Variants in LRRC71 observed in about 807,000 individuals in gnomAD.
LRRC71 encodes the protein leucine rich repeat containing 71.
Under a neutral mutation model 66.6 loss-of-function variants are expected in LRRC71, and 54 were observed. The observed-to-expected ratio is 0.81, with a 90% CI of 0.65 to 1.02. The LOEUF (loss-of-function observed/expected upper bound fraction) is 1.02. Among genes scored for constraint, LRRC71 ranks in the 50% least tolerant of loss-of-function variants. LRRC71 has a pLI of 0.00. For synonymous variants in LRRC71, 323 were observed against 303.9 expected, an observed-to-expected ratio of 1.06 and a Z score of -0.65; for missense variants, 724 against 718.0, an observed-to-expected ratio of 1.01 and a Z score of -0.10.
downstream of LRRC71, chr1:156,933,221 T>G: frequency 2.3e-6 from 1 of 438,272 alleles, no homozygotes; most frequent in African/African-American, 2.0e-5. Context: ...TCTCAGCTCC[T>G]CTGGCCTCAG....
At chr1:156,932,238 G>A in intron 13 of LRRC71, 186 bp from the exon 14 acceptor site, 1 of 659,482 alleles carries the variant, frequency 1.5e-6, no homozygotes, top group Non-Finnish European at 2.7e-6. Context: ...AGTAATGAGA[G>A]GAGTTAGAGA....
Position 156,932,028 on chromosome 1 carries a change from GTA to G in LRRC71, c.1441+3_1441+4del. 6.3e-7 allele frequency: 1 copy of G among 1,584,058 alleles called. No homozygotes were observed. The highest frequency in any genetic ancestry group is 1.7e-4 in the Middle Eastern group (1 of 5,884). On this transcript the variant is annotated splice_donor_variant and splice_donor_region_variant and intron_variant, in intron 13 of 14. Transcript: ENST00000337428. LOFTEE classifies it high-confidence loss of function. The stretch of plus-strand genomic sequence containing the variant: ...GTCCTTTTGCACCTCAACCTCATCC[GTA>G]TGTCTGCCAACCTCCCCTGTCCTCC...
chr1:156,936,525 TAA>T (rs1655354650), downstream of LRRC71, among the ~76,000 whole-genome samples: 3 of 110,514 alleles, frequency 2.7e-5, no homozygotes, highest in African/African-American at 1.1e-4. Flanking sequence ...TATATATATA[TAA>T]AATTAAAAAA....
chr1:156,922,461 T>G (rs1652536995), intron 1 of LRRC71, among the ~76,000 whole-genome samples: 1 of 152,116 alleles, frequency 6.6e-6, no homozygotes, highest in African/African-American at 2.4e-5. Context: ...GAGTGATGGC[T>G]GATATAGGAA....
intron 5 of LRRC71, among the ~76,000 whole-genome samples, chr1:156,925,242 G>A (rs1024260906): frequency 6.6e-6 from 1 of 152,146 alleles, no homozygotes; most frequent in South Asian, 2.1e-4. Context: ...TGATCTTCAG[G>A]GGCTCAACCT....
downstream of LRRC71, chr1:156,937,536 G>A: frequency 6.7e-7 from 1 of 1,502,004 alleles, no homozygotes. Flanking sequence ...GAGGCAAACA[G>A]AGAAGTCGAA....
chr1:156,929,184 G>A (rs1339850706), intron 9 of LRRC71, 96 bp from the exon 10 acceptor site: 16 of 1,441,168 alleles, frequency 1.1e-5, no homozygotes, highest in Admixed American at 2.2e-5. Flanking sequence ...CTGTCAGCTC[G>A]ACTGCTCCCC....
intron 7 of LRRC71, 31 bp downstream of exon 7, chr1:156,927,686 G>C (rs927645394): frequency 4.4e-6 from 7 of 1,606,852 alleles, no homozygotes; most frequent in Non-Finnish European, 5.9e-6. Context: ...GACCTGCTGG[G>C]AGCAGGGGCG....
Position 156,932,408 on chromosome 1 carries a change from CTG to C in LRRC71, c.1442-14_1442-13del, listed in dbSNP as rs779195201. 86 of 1,608,508 alleles carry C rather than the reference CTG, an allele frequency of 5.3e-5. No individual in the cohort carries two copies. Among genetic ancestry groups the C allele is most frequent in the Non-Finnish European group, 7.1e-5 (83 of 1,176,740 alleles). On this transcript the variant is annotated splice_polypyrimidine_tract_variant and intron_variant, in intron 13 of 14. Transcript: ENST00000337428. ...CCTGTGGTGCTAAGAGGCCACCTGT[CTG>C]TAACTTCCACCAGGGAACCGCATCA...
At chr1:156,924,746 G>A (rs1190741269) in intron 4 of LRRC71, 28 bp downstream of exon 4, 1 of 1,550,122 alleles carries the variant, frequency 6.5e-7, no homozygotes, top group African/African-American at 1.4e-5. Flanking sequence ...GATGGGCGGG[G>A]GACCAGAGTG....
intron 5 of LRRC71, among the ~76,000 whole-genome samples, chr1:156,925,610 A>G (rs1230167968): frequency 6.6e-6 from 1 of 152,218 alleles, no homozygotes; most frequent in African/African-American, 2.4e-5. Context: ...GTGTACTTGT[A>G]TGGGAAGGAG....
At chr1:156,936,496 AAATAT>A (rs1314446870), downstream of LRRC71, among the ~76,000 whole-genome samples, 39 of 77,738 alleles carry the variant, frequency 5.0e-4, no homozygotes, top group African/African-American at 2.1e-3. Context: ...AAAAAAAAAA[AAATAT>A]ATATATATAT....
In LRRC71 at chr1:156,929,622, C is replaced by G; in HGVS notation, c.1147-14C>G. 1 of 1,573,760 alleles carries G rather than the reference C, an allele frequency of 6.4e-7. No individual in the cohort carries two copies. The highest frequency in any genetic ancestry group is 1.4e-5 in the African/African-American group (1 of 73,924). On this transcript the variant is annotated splice_polypyrimidine_tract_variant and intron_variant, in intron 10 of 14. Transcript: ENST00000337428. Reference sequence around the variant, plus strand: ...GAGGTGGGACTTGCCCCTCTCTTCTCACATTCTCCACAGGAATTGGCCAAG... The same window carrying G: ...GAGGTGGGACTTGCCCCTCTCTTCTGACATTCTCCACAGGAATTGGCCAAG...
chr1:156,930,054 C>CTTTA (rs1654075404), intron 11 of LRRC71, among the ~76,000 whole-genome samples: 1 of 110,642 alleles, frequency 9.0e-6, no homozygotes. Context: ...CTCTTTCTTT[C>CTTTA]TTTCTTTTTC....
downstream of LRRC71, among the ~76,000 whole-genome samples, chr1:156,936,480 G>GAAAAA (rs35863393): frequency 1.0e-4 from 5 of 48,014 alleles, no homozygotes; most frequent in Middle Eastern, 0.017. Flanking sequence ...CAAATAAATA[G>GAAAAA]AAAAAAAAAA....
chr1:156,928,411 T>C (rs1466436285), intron 9 of LRRC71, among the ~76,000 whole-genome samples: 1 of 122,372 alleles, frequency 8.2e-6, no homozygotes, highest in East Asian at 2.6e-4. Context: ...CTTCTTCCTC[T>C]TATTCCTCCT....
rs1200089350 is a variant in LRRC71, at chr1:156,928,036, A to AGAGCCCCTCTGACCCTC, written c.996+39_996+55dup. On this transcript the variant is annotated intron_variant, in intron 9 of 14. Coordinates refer to ENST00000337428, the MANE Select transcript of LRRC71 (RefSeq NM_144702.3). ...AGCTACCAGGCCCCAGGACCAGCCGAGAGCCCCTCTGACCCTCGAGCCCAC... is the reference window on the plus strand; with the variant it reads ...AGCTACCAGGCCCCAGGACCAGCCGAGAGCCCCTCTGACCCTCGAGCCCCTCTGACCCTCGAGCCCAC... 3 of 1,560,264 alleles carry AGAGCCCCTCTGACCCTC rather than the reference A, an allele frequency of 1.9e-6. No individual in the cohort carries two copies. The Admixed American group carries it at 5.7e-5, about 29-fold the overall frequency.
At chr1:156,931,298 T>C (rs1654331352) in intron 12 of LRRC71, among the ~76,000 whole-genome samples, 1 of 152,144 alleles carries the variant, frequency 6.6e-6, no homozygotes, top group Non-Finnish European at 1.5e-5. Flanking sequence ...AGGGCCCCTC[T>C]CCTTTCAGGA....
At chr1:156,929,500 T>C (rs868653201) in intron 10 of LRRC71, 71 bp downstream of exon 10, 1 of 1,597,450 alleles carries the variant, frequency 6.3e-7, no homozygotes, top group Non-Finnish European at 8.5e-7. Context: ...TGTACAGAGG[T>C]GGTGGAGGGA....
Sources: gnomAD v4.1 joint callset for allele counts (sites outside exome capture counted in the v4.1 genomes callset) on GRCh38, gnomAD v4.1.1 for gene constraint, MANE v1.5 for transcripts, NCBI Gene and HGNC (gene_info 2026-07-23, HGNC 2026-07-21) for gene names.